Variants in ZMAT2 observed in about 807,000 individuals in gnomAD.
The protein encoded by ZMAT2 is zinc finger matrin-type protein 2.
Under a neutral mutation model 27.5 loss-of-function variants are expected in ZMAT2, and 5 were observed. The ratio of observed to expected loss-of-function variants is 0.18; its 90% confidence interval spans 0.10 to 0.38. The LOEUF (loss-of-function observed/expected upper bound fraction) is 0.38, where lower values mean the gene tolerates loss of function less well. Ranked by LOEUF, ZMAT2 falls within the 10% of genes least tolerant of loss-of-function variation. The pLI is 1.00. For synonymous variants in ZMAT2, 76 were observed against 78.6 expected (o/e 0.97, Z 0.17); for missense variants, 124 against 243.9 (o/e 0.51, Z 3.27).
In ZMAT2 at chr5:140,705,960, C is replaced by A; in HGVS notation, c.*204C>A. 1 of 587,888 alleles carries A rather than the reference C, an allele frequency of 1.7e-6. No individual in the cohort carries two copies. Among genetic ancestry groups the A allele is most frequent in the Non-Finnish European group, 2.7e-6 (1 of 365,430 alleles). 36.4% of individuals were successfully genotyped at this position (587,888 alleles called of 1,614,324 possible). ...GAGGTAATGCTGTGGCATATTGCTT[C>A]TGCCTCAGTGTATCACTGGAGTCAC... On this transcript the variant is annotated 3_prime_UTR_variant, in exon 6 of 6. Transcript: ENST00000274712.
chr5:140,703,128 A>G (rs1250568925), intron 3 of ZMAT2, among the ~76,000 whole-genome samples: 2 of 152,122 alleles, frequency 1.3e-5, no homozygotes, highest in African/African-American at 2.4e-5. Flanking sequence ...CATTCATATG[A>G]ATCTTAAGTG....
intron 5 of ZMAT2, 93 bp from the exon 6 acceptor site, chr5:140,705,520 G>T: frequency 7.0e-7 from 1 of 1,433,938 alleles, no homozygotes; most frequent in Non-Finnish European, 9.3e-7. Flanking sequence ...AGCAATTTCT[G>T]GCATGTACTG....
chr5:140,700,640 G>C (rs553733414), intron 1 of ZMAT2, among the ~76,000 whole-genome samples, 162 bp downstream of exon 1: 34 of 152,314 alleles, frequency 2.2e-4, no homozygotes, highest in African/African-American at 6.5e-4. Context: ...CAGAGGGTCA[G>C]TAGAATCGCG....
At chr5:140,704,371 G>C in intron 4 of ZMAT2, 55 bp from the exon 5 acceptor site, 1 of 1,547,914 alleles carries the variant, frequency 6.5e-7, no homozygotes. Flanking sequence ...AATAATTTTT[G>C]AGGGGCTGAG....
intron 3 of ZMAT2, among the ~76,000 whole-genome samples, chr5:140,703,422 C>T (rs1311913724): frequency 3.3e-5 from 5 of 151,678 alleles, no homozygotes; most frequent in African/African-American, 9.7e-5. Context: ...TTAGTAGAGA[C>T]GGGGTTTCTC....
chr5:140,704,596 C>CT lies in ZMAT2; in HGVS notation c.456+26dup, dbSNP rs751712435. 6 of 1,609,664 alleles carry CT rather than the reference C, an allele frequency of 3.7e-6. No individual in the cohort carries two copies. In the African/African-American group the frequency reaches 8.1e-5, roughly 22 times the overall value. ...GGTAAGGGTCTCCTATCCTTCCCCT[C>CT]TCCCCCAGATTTGAGTTTTATGTTA... On this transcript the variant is annotated intron_variant, in intron 5 of 5. Transcript: ENST00000274712.
Position 140,700,947 on chromosome 5 carries a change from A to G in ZMAT2, c.112+35A>G, listed in dbSNP as rs77891723. On this transcript the variant is annotated intron_variant, in intron 2 of 5. Coordinates refer to ENST00000274712, the MANE Select transcript of ZMAT2 (RefSeq NM_144723.3). The stretch of plus-strand genomic sequence containing the variant: ...AACTACATCAAGGGCTAAGGGTATC[A>G]CAGAGGCGATGCGATGATGGAGAGC... 2.8e-4 allele frequency: 455 copies of G among 1,602,818 alleles called. 4 individuals are homozygous for G. In the East Asian group the frequency reaches 9.1e-3, roughly 32 times the overall value.
At chr5:140,704,098 C>T in intron 4 of ZMAT2, 107 bp downstream of exon 4, 6 of 1,076,320 alleles carry the variant, frequency 5.6e-6, no homozygotes. Flanking sequence ...CAAAAGATGG[C>T]TGGAGTAAGA....
intron 3 of ZMAT2, 151 bp downstream of exon 3, chr5:140,702,280 C>T (rs971836210): frequency 2.8e-5 from 30 of 1,065,210 alleles, no homozygotes; most frequent in Non-Finnish European, 4.0e-5. Flanking sequence ...TTCTGTGTCT[C>T]CCAAGGTCTC....
intron 2 of ZMAT2, 66 bp from the exon 3 acceptor site, chr5:140,701,940 A>T: frequency 1.3e-6 from 2 of 1,536,868 alleles, no homozygotes; most frequent in Admixed American, 2.1e-5. Flanking sequence ...GATTTCATGC[A>T]TTTTTTTTCC....
At position 140,702,140 on chromosome 5, in the gene ZMAT2, TATC is replaced by T; in HGVS notation, c.236+14_236+16del. 1 of 1,609,854 alleles carries T rather than the reference TATC, an allele frequency of 6.2e-7. No homozygotes were observed. The highest frequency in any genetic ancestry group is 8.5e-7 in the Non-Finnish European group (1 of 1,178,160). On this transcript the variant is annotated intron_variant, in intron 3 of 5. Transcript: ENST00000274712. ...ATCTGAGATGGGAGGGTGAGTTGCT[TATC>T]ATTTTTCCTCTGCAGCCAAGAATGC...
intron 5 of ZMAT2, 31 bp downstream of exon 5, chr5:140,704,602 C>G: frequency 6.2e-7 from 1 of 1,608,796 alleles, no homozygotes; most frequent in Non-Finnish European, 8.5e-7. Context: ...CCCTCTCCCC[C>G]AGATTTGAGT....
chr5:140,704,094 A>G, intron 4 of ZMAT2, 103 bp downstream of exon 4: 1 of 1,103,710 alleles, frequency 9.1e-7, no homozygotes, highest in Non-Finnish European at 1.4e-6. Context: ...TCATCAAAAG[A>G]TGGCTGGAGT....
In ZMAT2 at chr5:140,705,793, G is replaced by C; in HGVS notation, c.*37G>C. ...CTTGGCCTGACTTTGGCCTATGCTG[G>C]ACCTAACTTTGCGTGTGTGTGTGTG... On this transcript the variant is annotated 3_prime_UTR_variant, in exon 6 of 6. Coordinates refer to ENST00000274712, the MANE Select transcript of ZMAT2 (RefSeq NM_144723.3). The C allele has an allele frequency of 6.2e-7, 1 of 1,605,784 alleles. No individual in the cohort carries two copies. The highest frequency in any genetic ancestry group is 8.5e-7 in the Non-Finnish European group (1 of 1,176,348).
rs1421492062 is a variant in ZMAT2 at position 140,700,470 on chromosome 5, G to C, written c.10G>C (p.Gly4Arg). The C allele has an allele frequency of 6.2e-7, 1 of 1,613,060 alleles. No homozygotes were observed. Among genetic ancestry groups the C allele is most frequent in the African/African-American group, 1.3e-5 (1 of 75,012 alleles). ...TCACTTCGCTGTGAAGATGGCGTCGGGCAGCGGGGTAGGTGTTGTGTCTGA... is the reference window on the plus strand; with the variant it reads ...TCACTTCGCTGTGAAGATGGCGTCGCGCAGCGGGGTAGGTGTTGTGTCTGA... Reference protein sequence around the residue: MASGSGTKNLDFRR... With the variant: MASRSGTKNLDFRR... Residue 4 changes from glycine (G) to arginine (R), a missense_variant, in exon 1 of 6, where the codon GGC (glycine) becomes CGC (arginine). Gly to Arg is a moderately radical substitution (Grantham distance 125). Coordinates refer to ENST00000274712, the MANE Select transcript of ZMAT2 (RefSeq NM_144723.3).
chr5:140,703,861 G>A lies in ZMAT2; in HGVS notation c.237-57G>A. The stretch of plus-strand genomic sequence containing the variant: ...ACCTAAAAATTTGAGTTTCTTGGTT[G>A]AAAATGATAAGATCCTTAAAACCAT... On this transcript the variant is annotated intron_variant, in intron 3 of 5. Transcript: ENST00000274712. 2.6e-6 allele frequency: 4 copies of A among 1,545,446 alleles called. No individual in the cohort carries two copies. In the South Asian group the frequency reaches 4.5e-5, roughly 17 times the overall value.
At chr5:140,702,244 C>A in intron 3 of ZMAT2, 115 bp downstream of exon 3, 1 of 1,305,340 alleles carries the variant, frequency 7.7e-7, no homozygotes, top group Non-Finnish European at 1.1e-6. Flanking sequence ...TCCTTCTTGC[C>A]TGTAATTCTA....
chr5:140,700,524 T>A (rs1581558488), intron 1 of ZMAT2, 46 bp downstream of exon 1: 7 of 1,610,472 alleles, frequency 4.3e-6, no homozygotes, highest in Non-Finnish European at 5.9e-6. Flanking sequence ...TGGGGAATGG[T>A]TTTTCAGACC....
At chr5:140,701,511 A>G (rs1402365991) in intron 2 of ZMAT2, among the ~76,000 whole-genome samples, 2 of 152,222 alleles carry the variant, frequency 1.3e-5, no homozygotes, top group African/African-American at 4.8e-5. Flanking sequence ...CTTTACCTCC[A>G]GGCCACCTTG....
Sources: gnomAD v4.1 joint callset for allele counts (sites outside exome capture counted in the v4.1 genomes callset) on GRCh38, gnomAD v4.1.1 for gene constraint, MANE v1.5 for transcripts, NCBI Gene and HGNC (gene_info 2026-07-23, HGNC 2026-07-21) for gene names.